Variants in SV2B observed in about 807,000 individuals in gnomAD.
The protein encoded by SV2B is solute carrier family 22 member B2.
SV2B carries 41 observed loss-of-function variants against 73.9 expected under a neutral mutation model. The ratio of observed to expected loss-of-function variants is 0.56; its 90% CI spans 0.43 to 0.72. The LOEUF is 0.72. Ranked by LOEUF, SV2B falls within the 30% of genes least tolerant of loss-of-function variation. The probability of loss-of-function intolerance (pLI) is 0.00; values close to 1 mark genes in which losing one functional copy is unlikely to be tolerated. For synonymous variants in SV2B, 314 were observed against 314.2 expected (o/e 1.00, Z 0.01); for missense variants, 764 against 857.8 (o/e 0.89, Z 1.37).
chr15:91,134,896 C>T (rs1252590340), intron 1 of SV2B, among the ~76,000 whole-genome samples: 2 of 152,182 alleles, frequency 1.3e-5, no homozygotes, highest in African/African-American at 4.8e-5. Flanking sequence ...CTTTACCCAA[C>T]CATTCGTTCT....
chr15:91,198,380 C>T (rs1368298947), intron 1 of SV2B, among the ~76,000 whole-genome samples: 3 of 151,850 alleles, frequency 2.0e-5, no homozygotes, highest in Admixed American at 6.6e-5. Context: ...CCATTACCTT[C>T]GGCACTGAAC....
At chr15:91,156,208 A>G (rs4932594) in intron 1 of SV2B, among the ~76,000 whole-genome samples, 3,906 of 152,310 alleles carry the variant, frequency 0.026, 80 homozygotes, top group South Asian at 0.041. Flanking sequence ...GAAATGCCTC[A>G]GTAAGCTTGC....
At chr15:91,266,529 ACT>A in intron 6 of SV2B, 51 bp from the exon 7 acceptor site, 1 of 1,376,594 alleles carries the variant, frequency 7.3e-7, no homozygotes, top group Non-Finnish European at 1.0e-6. Flanking sequence ...CACATTGAAA[ACT>A]CTGACACAAA....
chr15:91,198,570 GA>G (rs2045343750), intron 1 of SV2B, among the ~76,000 whole-genome samples: 1 of 151,948 alleles, frequency 6.6e-6, no homozygotes, highest in Non-Finnish European at 1.5e-5. Context: ...GTTTGTACCA[GA>G]AACCTAAAAG....
At chr15:91,263,088 A>G (rs1249351160) in intron 6 of SV2B, among the ~76,000 whole-genome samples, 2 of 147,546 alleles carry the variant, frequency 1.4e-5, no homozygotes, top group Non-Finnish European at 2.9e-5. Flanking sequence ...ACATCCACAA[A>G]GACACGGAGA....
chr15:91,223,400 G>C lies in SV2B; in HGVS notation c.-391-2473G>C, dbSNP rs2046277464. ...GATTCCCCTTTACTCCACTGCACTT[G>C]ACATTCACAGCAGGTCTTTTAACTG... On this transcript the variant is annotated intron_variant, in intron 1 of 12. Transcript: ENST00000394232. This position sits in a 1 kb window ranked among gnomAD's most constrained non-coding sequence, Gnocchi z 4.6. Among the ~76,000 whole-genome samples the C allele has an allele frequency of 1.3e-5, 2 of 152,216 alleles. No individual in the cohort carries two copies. The highest frequency in any genetic ancestry group is 4.8e-5 in the African/African-American group (2 of 41,450).
In SV2B at chr15:91,269,858, A is replaced by T. The variant is rs114879840; in HGVS notation, c.1373+1253A>T. ...CAGAATTTTTAAAATGCTGAAGCCC[A>T]GTTGCAGACATCTCCATACTCATAT... On this transcript the variant is annotated intron_variant, in intron 9 of 12. Coordinates refer to ENST00000394232, the MANE Select transcript of SV2B (RefSeq NM_001323032.3). Among the ~76,000 whole-genome samples, 753 of 152,348 alleles carry T rather than the reference A, an allele frequency of 4.9e-3. 6 individuals are homozygous for T. The highest frequency in any genetic ancestry group is 0.016 in the African/African-American group (677 of 41,582).
At position 91,136,127 on chromosome 15, in the gene SV2B, C is replaced by T. The variant is rs1336257155; in HGVS notation, c.-392+35764C>T. Reference sequence around the variant, plus strand: ...TGTACTTTACCACCTTCACAAAGTACTGCCTTCACAGACTCCTAGGGATCT... The same window carrying T: ...TGTACTTTACCACCTTCACAAAGTATTGCCTTCACAGACTCCTAGGGATCT... On this transcript the variant is annotated intron_variant, in intron 1 of 12. Coordinates refer to ENST00000394232, the MANE Select transcript of SV2B (RefSeq NM_001323032.3). The surrounding 1 kb of genome is among the most constrained non-coding windows in gnomAD (Gnocchi z 5.6). Among the ~76,000 whole-genome samples, 1 of 152,188 alleles carries T rather than the reference C, an allele frequency of 6.6e-6. No homozygotes were observed. Among genetic ancestry groups the T allele is most frequent in the African/African-American group, 2.4e-5 (1 of 41,450 alleles).
chr15:91,166,895 G>C (rs12899894), intron 1 of SV2B, among the ~76,000 whole-genome samples: 1 of 150,348 alleles, frequency 6.7e-6, no homozygotes, highest in African/African-American at 2.4e-5. Context: ...CTCACTGCAA[G>C]CTCCGCCTTC....
At chr15:91,266,379 C>G (rs1596736425) in intron 6 of SV2B, among the ~76,000 whole-genome samples, 1 of 152,164 alleles carries the variant, frequency 6.6e-6, no homozygotes, top group Admixed American at 6.5e-5. Context: ...TGGAGACACT[C>G]TATGGCTCGT....
At position 91,265,324 on chromosome 15, in the gene SV2B, G is replaced by A. The variant is rs2048061912; in HGVS notation, c.1009-1258G>A. The stretch of plus-strand genomic sequence containing the variant: ...TTGAAGCATTCGGCTGAGAACCCAC[G>A]ATCTGCAGGGCTGGGGGAACACAGG... On this transcript the variant is annotated intron_variant, in intron 6 of 12. Coordinates refer to ENST00000394232, the MANE Select transcript of SV2B (RefSeq NM_001323032.3). The surrounding 1 kb of genome is among the most constrained non-coding windows in gnomAD (Gnocchi z 4.2). Among the ~76,000 whole-genome samples the A allele has an allele frequency of 6.6e-6, 1 of 152,206 alleles. No individual in the cohort carries two copies. The highest frequency in any genetic ancestry group is 1.5e-5 in the Non-Finnish European group (1 of 68,028).
intron 1 of SV2B, among the ~76,000 whole-genome samples, chr15:91,180,500 G>A (rs1485801024): frequency 1.3e-5 from 2 of 152,076 alleles, no homozygotes; most frequent in Admixed American, 6.6e-5. Context: ...TTCCAACTTG[G>A]TTCCATTCTC....
intron 1 of SV2B, among the ~76,000 whole-genome samples, chr15:91,107,524 G>T (rs1411185940): frequency 6.6e-6 from 1 of 152,048 alleles, no homozygotes; most frequent in Non-Finnish European, 1.5e-5. Flanking sequence ...TGTTGGCCAG[G>T]ATGGTCTTGA....
chr15:91,262,367 T>C (rs950677037), intron 6 of SV2B, among the ~76,000 whole-genome samples: 16 of 152,382 alleles, frequency 1.0e-4, no homozygotes, highest in Non-Finnish European at 2.1e-4. Context: ...TAACTCAAGT[T>C]ATAAATTTTA....
rs2042875343 is a variant in SV2B at position 91,137,609 on chromosome 15, T to TATATATGTTTCATATATAC, written c.-392+37252_-392+37253insGTTTCATATATACATATAT. ...ATTTCTCATATATATATATATTTCA[T>TATATATGTTTCATATATAC]ATATATATTTCATATATACATATAT... On this transcript the variant is annotated intron_variant, in intron 1 of 12. Coordinates refer to ENST00000394232, the MANE Select transcript of SV2B (RefSeq NM_001323032.3). This position sits in a 1 kb window ranked among gnomAD's most constrained non-coding sequence, Gnocchi z 4.9. Among the ~76,000 whole-genome samples the TATATATGTTTCATATATAC allele has an allele frequency of 7.2e-6, 1 of 138,226 alleles. No homozygotes were observed. The highest frequency in any genetic ancestry group is 2.0e-4 in the East Asian group (1 of 4,948). The allele number at this position is 138,226 out of a possible 152,430, so 90.7% of individuals were successfully genotyped here. A position where few individuals can be genotyped will look rare whatever the true frequency, so the allele number is the denominator to read the frequency against.
rs2042148714 is a variant in SV2B, at chr15:91,115,350, A to G, written c.-392+14987A>G. Among the ~76,000 whole-genome samples, 1 of 152,064 alleles carries G rather than the reference A, an allele frequency of 6.6e-6. No individual in the cohort carries two copies. The highest frequency in any genetic ancestry group is 2.1e-4 in the South Asian group (1 of 4,818). On this transcript the variant is annotated intron_variant, in intron 1 of 12. Transcript: ENST00000394232. This position sits in a 1 kb window ranked among gnomAD's most constrained non-coding sequence, Gnocchi z 4.3. Reference sequence around the variant, plus strand: ...TTGTTGGTGAGTGTTGACGACTTTGAAAGTGGGCTATTTCTCCATCTCCCC... The same window carrying G: ...TTGTTGGTGAGTGTTGACGACTTTGGAAGTGGGCTATTTCTCCATCTCCCC...
intron 1 of SV2B, among the ~76,000 whole-genome samples, chr15:91,149,319 A>C (rs1275343664): frequency 1.3e-5 from 2 of 152,214 alleles, no homozygotes; most frequent in East Asian, 1.9e-4. Flanking sequence ...CACTGATGGT[A>C]TCGGTGGCCC....
chr15:91,246,746 TC>T (rs2047247966), intron 2 of SV2B, among the ~76,000 whole-genome samples: 2 of 151,260 alleles, frequency 1.3e-5, no homozygotes, highest in Admixed American at 1.3e-4. Flanking sequence ...CTCCTCCTCC[TC>T]CTTCTTCTCC....
At chr15:91,209,478 A>C (rs1166988665) in intron 1 of SV2B, among the ~76,000 whole-genome samples, 1 of 152,158 alleles carries the variant, frequency 6.6e-6, no homozygotes, top group African/African-American at 2.4e-5. Context: ...ATTATTTGGA[A>C]TCTTTCCTTG....
Sources: allele counts gnomAD v4.1 joint callset (sites outside exome capture counted in the v4.1 genomes callset), GRCh38; gene constraint gnomAD v4.1.1; non-coding constraint Gnocchi (gnomAD v3.1); transcripts MANE v1.5; gene names NCBI Gene and HGNC (gene_info 2026-07-23, HGNC 2026-07-21).